MACROD2: variants seen among roughly 807,000 people sequenced by gnomAD.
MACROD2 encodes mono-ADP ribosylhydrolase 2.
A neutral mutation model predicts 70.4 loss-of-function variants in MACROD2; 36 were observed. The observed-to-expected ratio is 0.51, with a 90% CI of 0.39 to 0.68. MACROD2 has a LOEUF of 0.68. Ranked by LOEUF, MACROD2 falls within the 30% of genes least tolerant of loss-of-function variation. The pLI, the probability that MACROD2 is intolerant of heterozygous loss-of-function variation, is 0.00. For missense variants in MACROD2, 496 were observed against 538.4 expected (o/e 0.92, Z 0.78); for synonymous variants, 172 against 178.8 (o/e 0.96, Z 0.30).
intron 3 of MACROD2, among the ~76,000 whole-genome samples, chr20:14,446,289 A>G (rs745784297): frequency 1.4e-4 from 22 of 152,076 alleles, no homozygotes; most frequent in Non-Finnish European, 2.8e-4. Flanking sequence ...TTAATTATCA[A>G]AAACTGTGAG....
At chr20:14,434,633 A>G (rs1190657999) in intron 3 of MACROD2, among the ~76,000 whole-genome samples, 1 of 152,124 alleles carries the variant, frequency 6.6e-6, no homozygotes, top group East Asian at 1.9e-4. Context: ...CCTGAATCAT[A>G]AGCTTTCCCT....
intron 3 of MACROD2, among the ~76,000 whole-genome samples, chr20:14,149,621 T>G (rs766274336): frequency 1.3e-5 from 2 of 152,216 alleles, no homozygotes; most frequent in Non-Finnish European, 2.9e-5. Flanking sequence ...AAGTGTTCTA[T>G]TTTCTCCATA....
At chr20:15,145,528 A>T (rs995979511) in intron 5 of MACROD2, among the ~76,000 whole-genome samples, 3 of 152,298 alleles carry the variant, frequency 2.0e-5, no homozygotes, top group African/African-American at 4.8e-5. Context: ...TTCCAAAGAC[A>T]TCTAAATATT....
chr20:14,140,992 G>C (rs188057956), intron 3 of MACROD2, among the ~76,000 whole-genome samples: 4 of 152,136 alleles, frequency 2.6e-5, no homozygotes, highest in African/African-American at 9.7e-5. Flanking sequence ...TGACCTTCCT[G>C]CCTTCCGCTA....
At chr20:14,818,258 G>A (rs930676888) in intron 5 of MACROD2, among the ~76,000 whole-genome samples, 2 of 152,038 alleles carry the variant, frequency 1.3e-5, no homozygotes, top group Non-Finnish European at 2.9e-5. Context: ...GAAGAGCCAC[G>A]GAAAATCCTT....
chr20:14,136,226 A>T (rs779080698), intron 3 of MACROD2, among the ~76,000 whole-genome samples: 11 of 151,426 alleles, frequency 7.3e-5, no homozygotes, highest in South Asian at 2.1e-4. Flanking sequence ...TTATTTTATT[A>T]AAAAAAACAA....
intron 4 of MACROD2, chr20:14,566,866 A>G (rs1676149803): frequency 6.6e-6 from 1 of 152,036 alleles, no homozygotes; most frequent in Non-Finnish European, 1.5e-5. Flanking sequence ...GAATTCTAAT[A>G]GTATAAATTG....
At chr20:15,938,923 C>A (rs2065708381) in intron 12 of MACROD2, among the ~76,000 whole-genome samples, 1 of 152,178 alleles carries the variant, frequency 6.6e-6, no homozygotes. Context: ...TTTTAATGGT[C>A]TGGACAGAAG....
chr20:15,317,918 C>G (rs1012440906), intron 6 of MACROD2, among the ~76,000 whole-genome samples: 4 of 151,804 alleles, frequency 2.6e-5, no homozygotes, highest in Admixed American at 2.6e-4. Flanking sequence ...GATGTTTGGC[C>G]AAATGTCTGG....
intron 5 of MACROD2, among the ~76,000 whole-genome samples, chr20:15,136,460 G>T (rs1302716204): frequency 1.3e-5 from 2 of 152,150 alleles, no homozygotes; most frequent in Non-Finnish European, 2.9e-5. Context: ...GAGCAATGGG[G>T]AAAGGATTCC....
chr20:14,784,487 C>T (rs1421975369), intron 5 of MACROD2, among the ~76,000 whole-genome samples: 1 of 152,006 alleles, frequency 6.6e-6, no homozygotes, highest in Non-Finnish European at 1.5e-5. Flanking sequence ...TTTATTAAGT[C>T]GGGTTCATAG....
chr20:15,632,794 C>T (rs1460555025), intron 8 of MACROD2, among the ~76,000 whole-genome samples: 1 of 151,742 alleles, frequency 6.6e-6, no homozygotes, highest in Non-Finnish European at 1.5e-5. Context: ...TCCTTCCTTC[C>T]CTCCTCCCCT....
At chr20:15,899,847 G>A (rs2065038114) in intron 10 of MACROD2, among the ~76,000 whole-genome samples, 1 of 152,112 alleles carries the variant, frequency 6.6e-6, no homozygotes, top group Admixed American at 6.5e-5. Context: ...ATTATATGTG[G>A]AAACATTTTG....
chr20:14,592,649 G>C (rs1352582069), intron 4 of MACROD2, among the ~76,000 whole-genome samples: 2 of 152,066 alleles, frequency 1.3e-5, no homozygotes, highest in Non-Finnish European at 2.9e-5. Flanking sequence ...GGCTAGTCTG[G>C]GTATTGTAAG....
intron 5 of MACROD2, among the ~76,000 whole-genome samples, chr20:14,873,834 GGGCACCA>G (rs1455089252): frequency 2.0e-5 from 3 of 151,990 alleles, no homozygotes; most frequent in South Asian, 2.1e-4. Context: ...ACTCCAGCCT[GGGCACCA>G]AGAACAAAAC....
At chr20:15,767,431 T>C (rs77207369) in intron 8 of MACROD2, among the ~76,000 whole-genome samples, 2,882 of 152,310 alleles carry the variant, frequency 0.019, 103 homozygotes, top group African/African-American at 0.065. Flanking sequence ...TAGTTACATT[T>C]CTAGAGAGAA....
At chr20:15,801,743 T>A (rs1020335474) in intron 8 of MACROD2, among the ~76,000 whole-genome samples, 1 of 152,120 alleles carries the variant, frequency 6.6e-6, no homozygotes, top group Non-Finnish European at 1.5e-5. Flanking sequence ...AAAAATATCA[T>A]TGGCATTTTG....
intron 3 of MACROD2, among the ~76,000 whole-genome samples, chr20:14,466,384 T>C (rs1040524484): frequency 1.6e-4 from 25 of 152,270 alleles, no homozygotes; most frequent in African/African-American, 6.0e-4. Context: ...TTCAGCTCCA[T>C]CAGGTCCTTT....
At chr20:14,273,093 A>G (rs943211653) in intron 3 of MACROD2, among the ~76,000 whole-genome samples, 1 of 152,084 alleles carries the variant, frequency 6.6e-6, no homozygotes, top group African/African-American at 2.4e-5. Context: ...AATGAGACAG[A>G]AAGTTAACAA....
Sources: allele counts gnomAD v4.1 joint callset (sites outside exome capture counted in the v4.1 genomes callset), GRCh38; gene constraint gnomAD v4.1.1; transcripts MANE v1.5; gene names NCBI Gene and HGNC (gene_info 2026-07-23, HGNC 2026-07-21).